The following KDM1B variants were observed in gnomAD, a reference collection of about 807,000 sequenced individuals.
KDM1B encodes lysine-specific histone demethylase 2.
Under a neutral mutation model 107.4 loss-of-function variants are expected in KDM1B, and 63 were observed. The ratio of observed to expected loss-of-function variants is 0.59; its 90% confidence interval spans 0.48 to 0.72. The LOEUF is 0.72. Among genes scored for constraint, KDM1B ranks in the 30% least tolerant of loss-of-function variants. The probability of loss-of-function intolerance (pLI) is 0.00; values close to 1 mark genes in which losing one functional copy is unlikely to be tolerated. For missense variants in KDM1B, 749 were observed against 1,020.8 expected (o/e 0.73, Z 3.63); for synonymous variants, 363 against 363.9 (o/e 1.00, Z 0.03).
rs539643632 is a variant in KDM1B, at chr6:18,200,605, A to G, written c.1359+29A>G. ...AGTTTCTTTTAGCTTTGTGTTGTAGATAAAGGAAAGAAAAACAGTTTCAAT... is the reference window on the plus strand; with the variant it reads ...AGTTTCTTTTAGCTTTGTGTTGTAGGTAAAGGAAAGAAAAACAGTTTCAAT... On this transcript the variant is annotated intron_variant, in intron 13 of 21. Coordinates refer to ENST00000650836, the MANE Select transcript of KDM1B (RefSeq NM_001364614.2). The surrounding 1 kb of genome is among the most constrained non-coding windows in gnomAD (Gnocchi z 4.3). 124 of 1,591,702 alleles carry G rather than the reference A, an allele frequency of 7.8e-5. 2 individuals carry two copies. The South Asian group carries it at 1.3e-3, about 17-fold the overall frequency.
chr6:18,193,536 A>G (rs538230171), intron 10 of KDM1B, among the ~76,000 whole-genome samples: 1 of 151,880 alleles, frequency 6.6e-6, no homozygotes, highest in Non-Finnish European at 1.5e-5. Flanking sequence ...TTCTGGGCTT[A>G]AACAATCCTC....
chr6:18,179,533 A>C (rs1270322964), intron 7 of KDM1B, among the ~76,000 whole-genome samples: 1 of 152,140 alleles, frequency 6.6e-6, no homozygotes, highest in Non-Finnish European at 1.5e-5. Flanking sequence ...AAAGTTAGGA[A>C]TTACAAATTC....
In KDM1B at chr6:18,212,334, G is replaced by A. The variant is rs1788907429; in HGVS notation, c.1867-154G>A. ...TGTGGTTGCCACTTCTGCTTAGCCA[G>A]GCATTGGCACCCTTGTGCAGTGAGC... On this transcript the variant is annotated intron_variant, in intron 17 of 21. Transcript: ENST00000650836. The surrounding 1 kb of genome is among the most constrained non-coding windows in gnomAD (Gnocchi z 5.2). 4.5e-6 allele frequency: 3 copies of A among 673,550 alleles called. No individual in the cohort carries two copies. In the East Asian group the frequency reaches 7.5e-5, roughly 17 times the overall value. The allele number at this position is 673,550 out of a possible 1,614,324, so 41.7% of individuals were successfully genotyped here. A position where few individuals can be genotyped will look rare whatever the true frequency, so the allele number is the denominator to read the frequency against.
chr6:18,210,983 G>C (rs572333862), intron 17 of KDM1B, among the ~76,000 whole-genome samples: 2 of 152,200 alleles, frequency 1.3e-5, no homozygotes, highest in African/African-American at 4.8e-5. Context: ...CGGGGCAACA[G>C]AGCAAGACCC....
rs752290628 is a variant in KDM1B at position 18,205,930 on chromosome 6, C to G, written c.1659+266C>G. On this transcript the variant is annotated intron_variant, in intron 15 of 21. Coordinates refer to ENST00000650836, the MANE Select transcript of KDM1B (RefSeq NM_001364614.2). This position sits in a 1 kb window ranked among gnomAD's most constrained non-coding sequence, Gnocchi z 5.7. ...TCGCTTGAACCTGGGAGGCGGAAGT[C>G]GTAGTGAGCTGGGATCGCGCCACTG... 6.6e-6 allele frequency among the ~76,000 whole-genome samples: 1 copy of G among 151,894 alleles called. No homozygotes were observed. Among genetic ancestry groups the G allele is most frequent in the Non-Finnish European group, 1.5e-5 (1 of 67,964 alleles).
chr6:18,165,972 A>C (rs948989740), intron 5 of KDM1B, among the ~76,000 whole-genome samples: 1 of 152,158 alleles, frequency 6.6e-6, no homozygotes, highest in Non-Finnish European at 1.5e-5. Flanking sequence ...CAGTCACTGT[A>C]CTCCAGCCTG....
At chr6:18,202,819 A>G (rs1259569806) in intron 14 of KDM1B, among the ~76,000 whole-genome samples, 1 of 152,162 alleles carries the variant, frequency 6.6e-6, no homozygotes, top group African/African-American at 2.4e-5. Flanking sequence ...CACCACCTCT[A>G]GGAGACCTAT....
chr6:18,209,645 G>A lies in KDM1B; in HGVS notation c.1866+1439G>A, dbSNP rs781521754. Among the ~76,000 whole-genome samples the A allele has an allele frequency of 1.4e-4, 21 of 152,144 alleles. No individual in the cohort carries two copies. The highest frequency in any genetic ancestry group is 3.9e-4 in the East Asian group (2 of 5,168). On this transcript the variant is annotated intron_variant, in intron 17 of 21. Coordinates refer to ENST00000650836, the MANE Select transcript of KDM1B (RefSeq NM_001364614.2). The surrounding 1 kb of genome is among the most constrained non-coding windows in gnomAD (Gnocchi z 4.3). ...TTCAGAGACAGGGTCTCAGTCTGTCGCCCAGGCTGGAGTGCAGTGGCACAG... is the reference window on the plus strand; with the variant it reads ...TTCAGAGACAGGGTCTCAGTCTGTCACCCAGGCTGGAGTGCAGTGGCACAG...
In KDM1B at chr6:18,213,361, G is replaced by A. The variant is rs796467936; in HGVS notation, c.1984-295G>A. On this transcript the variant is annotated intron_variant, in intron 18 of 21. Coordinates refer to ENST00000650836, the MANE Select transcript of KDM1B (RefSeq NM_001364614.2). The surrounding 1 kb of genome is among the most constrained non-coding windows in gnomAD (Gnocchi z 5.9). ...TGAGGCAGGAGAATCACTCGAAACC[G>A]GAAAGTGGAGGCTGCAGTGAGCCAA... 2.2e-4 allele frequency among the ~76,000 whole-genome samples: 33 copies of A among 151,914 alleles called. No individual in the cohort carries two copies. The highest frequency in any genetic ancestry group is 1.6e-3 in the Admixed American group (25 of 15,260).
At chr6:18,190,262 A>G (rs1267520625) in intron 9 of KDM1B, among the ~76,000 whole-genome samples, 1 of 152,028 alleles carries the variant, frequency 6.6e-6, no homozygotes, top group East Asian at 1.9e-4. Flanking sequence ...GCACAGCAGC[A>G]TGAATGTACT....
Position 18,166,313 on chromosome 6 carries a change from A to G in KDM1B, c.352A>G (p.Thr118Ala). Reference sequence around the variant, plus strand: ...ATATACTACATGGAAAAAAATATGGACTAGCAATGGCAAAACCGAACCTAG... The same window carrying G: ...ATATACTACATGGAAAAAAATATGGGCTAGCAATGGCAAAACCGAACCTAG... Reference protein sequence around the residue: ...DKYTTWKKIWTSNGKTEPSPK... With the variant: ...DKYTTWKKIWASNGKTEPSPK... Residue 118 changes from threonine to alanine, a missense_variant, in exon 6 of 22, where the codon ACT becomes GCT. Coordinates refer to ENST00000650836, the MANE Select transcript of KDM1B (RefSeq NM_001364614.2). The G allele has an allele frequency of 6.2e-7, 1 of 1,612,862 alleles. No individual in the cohort carries two copies. Among genetic ancestry groups the G allele is most frequent in the Non-Finnish European group, 8.5e-7 (1 of 1,178,868 alleles).
intron 2 of KDM1B, among the ~76,000 whole-genome samples, chr6:18,157,590 C>G (rs1026552769): frequency 2.6e-5 from 4 of 151,814 alleles, no homozygotes; most frequent in African/African-American, 7.3e-5. Context: ...CTTACATATA[C>G]TATACATTTA....
intron 21 of KDM1B, among the ~76,000 whole-genome samples, chr6:18,221,428 C>T (rs1450751816): frequency 6.6e-6 from 1 of 152,164 alleles, no homozygotes; most frequent in Non-Finnish European, 1.5e-5. Context: ...TACTTCCTCC[C>T]AATCCAACAG....
chr6:18,222,093 T>C lies in KDM1B; in HGVS notation c.*101T>C, dbSNP rs1789801387. The C allele has an allele frequency of 2.0e-6, 2 of 1,019,374 alleles. No homozygotes were observed. The highest frequency in any genetic ancestry group is 3.5e-5 in the Admixed American group (2 of 57,908). 63.1% of individuals were successfully genotyped at this position (1,019,374 alleles called of 1,614,324 possible). On this transcript the variant is annotated 3_prime_UTR_variant, in exon 22 of 22. Coordinates refer to ENST00000650836, the MANE Select transcript of KDM1B (RefSeq NM_001364614.2). ...AGAGGGGGAAAAAACCGTCTCTACA[T>C]AGTAAAACTGAAATGTTTCTAAGGC...
chr6:18,162,953 C>T lies in KDM1B; in HGVS notation c.305+29C>T. On this transcript the variant is annotated intron_variant, in intron 5 of 21. Coordinates refer to ENST00000650836, the MANE Select transcript of KDM1B (RefSeq NM_001364614.2). This position sits in a 1 kb window ranked among gnomAD's most constrained non-coding sequence, Gnocchi z 4.1. ...TGTTCACTAATTGTGTGAGGTTTCC[C>T]TGGAGAAGGGGACCGTGGCAGGGGC... 1 of 1,408,328 alleles carries T rather than the reference C, an allele frequency of 7.1e-7. No individual in the cohort carries two copies. The allele number at this position is 1,408,328 out of a possible 1,614,324, so 87.2% of individuals were successfully genotyped here.
intron 8 of KDM1B, 147 bp from the exon 9 acceptor site, chr6:18,187,645 C>CTG: frequency 8.0e-6 from 5 of 621,206 alleles, no homozygotes; most frequent in South Asian, 3.8e-5. Flanking sequence ...GTGTAGAGCT[C>CTG]TGGAATAGAA....
chr6:18,193,021 C>T (rs1468885270), intron 10 of KDM1B, among the ~76,000 whole-genome samples: 1 of 151,322 alleles, frequency 6.6e-6, no homozygotes, highest in Non-Finnish European at 1.5e-5. Context: ...GGCAAAACCC[C>T]GTCTCTACTA....
At position 18,212,713 on chromosome 6, in the gene KDM1B, C is replaced by T; in HGVS notation, c.1983+109C>T. On this transcript the variant is annotated intron_variant, in intron 18 of 21. Transcript: ENST00000650836. The surrounding 1 kb of genome is among the most constrained non-coding windows in gnomAD (Gnocchi z 5.2). ...GTACTATCTAAATACAAATAAAACT[C>T]AAGGATTTCCTTTTCATTTGAGTAA... The T allele has an allele frequency of 1.3e-6, 1 of 746,838 alleles. No individual in the cohort carries two copies. The highest frequency in any genetic ancestry group is 2.4e-6 in the Non-Finnish European group (1 of 421,554). The allele number at this position is 746,838 out of a possible 1,614,324, so 46.3% of individuals were successfully genotyped here.
In KDM1B at chr6:18,166,313, A is replaced by T. The variant is rs775849938; in HGVS notation, c.352A>T (p.Thr118Ser). The part of the protein sequence containing the change: ...DKYTTWKKIW[T>S]SNGKTEPSPK... ...ATATACTACATGGAAAAAAATATGG[A>T]CTAGCAATGGCAAAACCGAACCTAG... The change falls in exon 6 of 22, where the codon ACT becomes TCT. Residue 118 changes from threonine to serine, a missense_variant. By Grantham distance (58) the Thr-to-Ser change is moderately conservative. Transcript: ENST00000650836. 5.0e-6 allele frequency: 8 copies of T among 1,612,862 alleles called. No individual in the cohort carries two copies. The highest frequency in any genetic ancestry group is 6.8e-6 in the Non-Finnish European group (8 of 1,178,868).
Sources: gnomAD v4.1 joint callset for allele counts (sites outside exome capture counted in the v4.1 genomes callset) on GRCh38, gnomAD v4.1.1 for gene constraint, Gnocchi (gnomAD v3.1) non-coding constraint, MANE v1.5 for transcripts, NCBI Gene and HGNC (gene_info 2026-07-23, HGNC 2026-07-21) for gene names.